CERS1: variants seen among roughly 807,000 people sequenced by gnomAD.
The protein encoded by CERS1 is ceramide synthase 1.
Under a neutral mutation model 35.7 loss-of-function variants are expected in CERS1, and 16 were observed. That is an observed-to-expected ratio of 0.45 (90% CI 0.30 to 0.68). The LOEUF (loss-of-function observed/expected upper bound fraction) is 0.68. Ranked by LOEUF, CERS1 falls within the 30% of genes least tolerant of loss-of-function variation. CERS1 has a pLI of 0.08. For synonymous variants in CERS1, 243 were observed against 201.6 expected (o/e 1.21, Z -1.74); for missense variants, 454 against 453.9 (o/e 1.00, Z 0.00).
Position 18,895,761 on chromosome 19 carries a change from G to A in CERS1, c.249+63C>T. 3.1e-6 allele frequency: 3 copies of A among 959,488 alleles called. No individual in the cohort carries two copies. Among genetic ancestry groups the A allele is most frequent in the East Asian group, 4.8e-5 (1 of 20,888 alleles). The allele number at this position is 959,488 out of a possible 1,614,324, so 59.4% of individuals were successfully genotyped here. On this transcript the variant is annotated intron_variant, in intron 1 of 7. Coordinates refer to ENST00000623882, the MANE Select transcript of CERS1 (RefSeq NM_021267.5). The surrounding 1 kb of genome is among the most constrained non-coding windows in gnomAD (Gnocchi z 6.4). The stretch of plus-strand genomic sequence containing the variant: ...AGAAAGGAACGCGCCGGCGGCCCCA[G>A]GTCCCCGGTCCCGGCTTCCCCCAGT...
At chr19:18,888,994 C>T (rs2056430747) in intron 2 of CERS1, among the ~76,000 whole-genome samples, 1 of 149,466 alleles carries the variant, frequency 6.7e-6, no homozygotes, top group African/African-American at 2.5e-5. Context: ...CAGGTTCAAG[C>T]GATTCTCTTG....
Position 18,879,035 on chromosome 19 carries a change from A to G in CERS1, c.905T>C (p.Ile302Thr). 1.2e-6 allele frequency: 2 copies of G among 1,613,402 alleles called. No homozygotes were observed. Among genetic ancestry groups the G allele is most frequent in the East Asian group, 4.5e-5 (2 of 44,876 alleles). ...TLMNLYWFLY[I>T]VAFAAKVLTG... ...CAACACCTTGGCTGCAAACGCCACG[A>G]TGTACTGCGAGAGGGGAGGGGAGGT... The change falls in exon 6 of 8, where the codon ATC (isoleucine) becomes ACC (threonine). Residue 302 changes from isoleucine (I) to threonine (T), a missense_variant. By Grantham distance (89) the Ile-to-Thr change is moderately conservative. Coordinates refer to ENST00000623882, the MANE Select transcript of CERS1 (RefSeq NM_021267.5).
At chr19:18,877,903 CAA>C (rs2056090624) in intron 6 of CERS1, 3 of 947,436 alleles carry the variant, frequency 3.2e-6, no homozygotes, top group African/African-American at 1.8e-5. Flanking sequence ...CAGCTCGAGC[CAA>C]AAGTCTTGAG....
At chr19:18,879,919 C>G (rs944659983) in intron 4 of CERS1, among the ~76,000 whole-genome samples, 4 of 151,736 alleles carry the variant, frequency 2.6e-5, no homozygotes, top group African/African-American at 9.7e-5. Flanking sequence ...CTACCCCAAC[C>G]CTGCTTGGCC....
chr19:18,879,546 G>C (rs1446473477), intron 4 of CERS1, among the ~76,000 whole-genome samples, 158 bp from the exon 5 acceptor site: 2 of 144,702 alleles, frequency 1.4e-5, no homozygotes, highest in African/African-American at 5.2e-5. Context: ...CCCCTCCCCT[G>C]CCATGCCCCG....
At chr19:18,882,399 G>A (rs532892509) in intron 3 of CERS1, among the ~76,000 whole-genome samples, 6 of 151,630 alleles carry the variant, frequency 4.0e-5, no homozygotes, top group Admixed American at 6.6e-5. Flanking sequence ...TTGGGAGGCC[G>A]AGGCAGGTGG....
Position 18,878,856 on chromosome 19 carries a change from G to C in CERS1, c.1010+74C>G. ...GCCTCATCTGCTGCTGGGTCTTGGG[G>C]GCCTGCCCACGAACACGCTTGGACG... On this transcript the variant is annotated intron_variant, in intron 6 of 7. Coordinates refer to ENST00000623882, the MANE Select transcript of CERS1 (RefSeq NM_021267.5). This position sits in a 1 kb window ranked among gnomAD's most constrained non-coding sequence, Gnocchi z 4.6. The C allele has an allele frequency of 6.4e-7, 1 of 1,563,718 alleles. No homozygotes were observed. Among genetic ancestry groups the C allele is most frequent in the South Asian group, 1.2e-5 (1 of 86,546 alleles).
At chr19:18,888,520 A>G (rs1418869881) in intron 2 of CERS1, among the ~76,000 whole-genome samples, 30 of 35,610 alleles carry the variant, frequency 8.4e-4, no homozygotes, top group Admixed American at 3.0e-3. Flanking sequence ...CCTGTCTCTT[A>G]AAAAAAAAAA....
At chr19:18,888,558 C>T (rs150821698) in intron 2 of CERS1, among the ~76,000 whole-genome samples, 7,740 of 133,054 alleles carry the variant, frequency 0.058, 272 homozygotes, top group Middle Eastern at 0.18. Context: ...AGGCTAGGTG[C>T]GGTGGCTCAT....
intron 2 of CERS1, among the ~76,000 whole-genome samples, chr19:18,891,352 G>GC (rs1428977814): frequency 6.6e-6 from 1 of 152,276 alleles, no homozygotes; most frequent in East Asian, 1.9e-4. Context: ...CTGGCCCACA[G>GC]CCCTGGTGGT....
Position 18,870,430 on chromosome 19 carries a change from A to T in CERS1, c.*147T>A. On this transcript the variant is annotated 3_prime_UTR_variant, in exon 7 of 8. Coordinates refer to ENST00000623882, the MANE Select transcript of CERS1 (RefSeq NM_021267.5). This position sits in a 1 kb window ranked among gnomAD's most constrained non-coding sequence, Gnocchi z 5.1. ...CCTGGGGGGCGTGGCCGGGAACTGG[A>T]GGCAGGATGAGGGGGCGGGGTCCCA... 2.4e-6 allele frequency: 2 copies of T among 822,342 alleles called. No homozygotes were observed. Among genetic ancestry groups the T allele is most frequent in the Non-Finnish European group, 3.6e-6 (2 of 559,450 alleles). The allele number at this position is 822,342 out of a possible 1,614,324, so 50.9% of individuals were successfully genotyped here. A position where few individuals can be genotyped will look rare whatever the true frequency, so the allele number is the denominator to read the frequency against.
intron 3 of CERS1, 105 bp from the exon 4 acceptor site, chr19:18,880,540 G>T: frequency 2.6e-6 from 3 of 1,171,970 alleles, no homozygotes; most frequent in Non-Finnish European, 2.3e-6. Flanking sequence ...CAGGCTCCCC[G>T]TGGGCCTCTT....
intron 2 of CERS1, among the ~76,000 whole-genome samples, chr19:18,893,134 C>T (rs981706479): frequency 3.9e-5 from 6 of 152,080 alleles, no homozygotes; most frequent in Admixed American, 1.3e-4. Flanking sequence ...AGGATGGTCT[C>T]GATCTCCTAA....
rs374502253 is a variant in CERS1, at chr19:18,890,893, G to T, written c.409+2523C>A. Among the ~76,000 whole-genome samples the T allele has an allele frequency of 1.3e-4, 20 of 152,100 alleles. No individual in the cohort carries two copies. In the South Asian group the frequency reaches 2.5e-3, roughly 19 times the overall value. On this transcript the variant is annotated intron_variant, in intron 2 of 7. Transcript: ENST00000623882. Reference sequence around the variant, plus strand: ...AATCCTGACACTTTGGGAGGCTGAGGCGGGCGGATCACCTGAGGTCAGGAG... The same window carrying T: ...AATCCTGACACTTTGGGAGGCTGAGTCGGGCGGATCACCTGAGGTCAGGAG...
rs2055914253 is a variant in CERS1, at chr19:18,869,243, G to A, written c.*742C>T. The stretch of plus-strand genomic sequence containing the variant: ...GCTCAGCTCCCAGCCGCCCTCCGGG[G>A]CTGCCGCCGCCGCCGCCGCGAAACG... On this transcript the variant is annotated 3_prime_UTR_variant, in exon 8 of 8. Transcript: ENST00000623882. 7.0e-7 allele frequency: 1 copy of A among 1,427,168 alleles called. No individual in the cohort carries two copies. The highest frequency in any genetic ancestry group is 9.1e-7 in the Non-Finnish European group (1 of 1,101,576). 88.4% of individuals were successfully genotyped at this position (1,427,168 alleles called of 1,614,324 possible). A position where few individuals can be genotyped will look rare whatever the true frequency, so the allele number is the denominator to read the frequency against.
At position 18,875,521 on chromosome 19, in the gene CERS1, C is replaced by T. The variant is rs548099986; in HGVS notation, c.1010+3409G>A. On this transcript the variant is annotated intron_variant, in intron 6 of 7. Coordinates refer to ENST00000623882, the MANE Select transcript of CERS1 (RefSeq NM_021267.5). ...TCACACCACTGCACTCCAGCCTGGG[C>T]GACAGAGCGAGACACTGTCTCAAAA... Among the ~76,000 whole-genome samples, 8 of 148,256 alleles carry T rather than the reference C, an allele frequency of 5.4e-5. No homozygotes were observed. The South Asian group carries it at 6.4e-4, about 12-fold the overall frequency.
At chr19:18,892,048 C>A (rs1218816794) in intron 2 of CERS1, among the ~76,000 whole-genome samples, 2 of 152,046 alleles carry the variant, frequency 1.3e-5, no homozygotes, top group Admixed American at 6.6e-5. Context: ...CACGCGCCAC[C>A]ATGCCTGGCT....
rs2056605376 is a variant in CERS1 at position 18,895,576 on chromosome 19, A to AC, written c.249+247dup. Reference sequence around the variant, plus strand: ...CCCAGACTCACCCCAGCCCGGCCACACCCCCGCATCTACCCGGTTCCCCCA... The same window carrying AC: ...CCCAGACTCACCCCAGCCCGGCCACACCCCCCGCATCTACCCGGTTCCCCCA... On this transcript the variant is annotated intron_variant, in intron 1 of 7. Coordinates refer to ENST00000623882, the MANE Select transcript of CERS1 (RefSeq NM_021267.5). The surrounding 1 kb of genome is among the most constrained non-coding windows in gnomAD (Gnocchi z 6.4). Among the ~76,000 whole-genome samples, 4 of 145,166 alleles carry AC rather than the reference A, an allele frequency of 2.8e-5. No homozygotes were observed. In the South Asian group the frequency reaches 6.7e-4, roughly 24 times the overall value.
In CERS1 at chr19:18,878,985, C is replaced by T. The variant is rs369933386; in HGVS notation, c.955G>A (p.Asp319Asn). 1 of 1,613,848 alleles carries T rather than the reference C, an allele frequency of 6.2e-7. No homozygotes were observed. Among genetic ancestry groups the T allele is most frequent in the Non-Finnish European group, 8.5e-7 (1 of 1,179,852 alleles). Reference sequence around the variant, plus strand: ...TCGGCTGTGTCATACTCCCGCAGGTCCTTCAGCTCGTGCACCTGGCCTGTC... The same window carrying T: ...TCGGCTGTGTCATACTCCCGCAGGTTCTTCAGCTCGTGCACCTGGCCTGTC... ...VLTGQVHELK[D>N]LREYDTAEAQ... The change falls in exon 6 of 8, where the codon GAC (aspartate) becomes AAC (asparagine). Residue 319 changes from aspartate (D) to asparagine (N), a missense_variant. Asp to Asn is a conservative substitution (Grantham distance 23). Transcript: ENST00000623882. This position sits in a 1 kb window ranked among gnomAD's most constrained non-coding sequence, Gnocchi z 4.6.
Sources: gnomAD v4.1 joint callset for allele counts (sites outside exome capture counted in the v4.1 genomes callset) on GRCh38, gnomAD v4.1.1 for gene constraint, Gnocchi (gnomAD v3.1) non-coding constraint, MANE v1.5 for transcripts, NCBI Gene and HGNC (gene_info 2026-07-23, HGNC 2026-07-21) for gene names.